The following USP34 variants were observed in gnomAD, a reference collection of about 807,000 sequenced individuals.
USP34 encodes ubiquitin specific peptidase 34.
In USP34, 70 loss-of-function variants were observed where a neutral mutation model predicts 460.3. The ratio of observed to expected loss-of-function variants is 0.15; its 90% CI spans 0.13 to 0.19. The LOEUF is 0.19. USP34 is among the 10% of genes least tolerant of loss of function. USP34 has a pLI of 1.00. For synonymous variants in USP34, 1,647 were observed against 1,405.3 expected (o/e 1.17, Z -3.85); for missense variants, 3,985 against 4,236.2 (o/e 0.94, Z 1.65).
At chr2:61,435,480 T>A (rs985159286) in intron 1 of USP34, among the ~76,000 whole-genome samples, 3 of 151,550 alleles carry the variant, frequency 2.0e-5, no homozygotes, top group Non-Finnish European at 4.4e-5. Flanking sequence ...AAACAGCTTA[T>A]CAAGATTATA....
intron 1 of USP34, among the ~76,000 whole-genome samples, chr2:61,449,184 G>A (rs1238166698): frequency 6.6e-6 from 1 of 151,060 alleles, no homozygotes; most frequent in African/African-American, 2.4e-5. Flanking sequence ...GGGACAAGAG[G>A]AGCGCTCGAA....
chr2:61,392,786 T>C (rs1427789218), intron 5 of USP34, among the ~76,000 whole-genome samples: 1 of 152,194 alleles, frequency 6.6e-6, no homozygotes, highest in Non-Finnish European at 1.5e-5. Flanking sequence ...ATATTCCTGA[T>C]TAAGTAAACC....
Position 61,295,225 on chromosome 2 carries a change from A to C in USP34, c.4320T>G (p.Ala1440=), listed in dbSNP as rs983752603. 10 of 1,612,174 alleles carry C rather than the reference A, an allele frequency of 6.2e-6. No individual in the cohort carries two copies. The highest frequency in any genetic ancestry group is 6.8e-6 in the Non-Finnish European group (8 of 1,179,278). Residue 1440 remains alanine, a synonymous_variant, in exon 31 of 80, where the codon GCT becomes GCG. Coordinates refer to ENST00000398571, the MANE Select transcript of USP34 (RefSeq NM_014709.4). ...KIKSAHKLLY[A]LEIIEALGKP... ...TTCCCAGTGCTTCAATAATTTCCAG[A>C]GCATACAATAGCTTGTGGGCGCTCT... is the stretch of plus-strand genomic sequence containing the variant.
intron 59 of USP34, 31 bp from the exon 60 acceptor site, chr2:61,229,026 T>C (rs1371926481): frequency 2.0e-6 from 3 of 1,489,322 alleles, no homozygotes; most frequent in Middle Eastern, 1.8e-4. Flanking sequence ...TCTTAGAGAA[T>C]GTATGAGGTC....
At chr2:61,220,280 G>C in intron 67 of USP34, 30 bp downstream of exon 67, 3 of 1,572,086 alleles carry the variant, frequency 1.9e-6, no homozygotes, top group Non-Finnish European at 2.6e-6. Flanking sequence ...ATAAATAAAT[G>C]GTTTATGAAA....
chr2:61,312,821 T>C (rs898151753), intron 25 of USP34, among the ~76,000 whole-genome samples: 2 of 152,204 alleles, frequency 1.3e-5, no homozygotes, highest in East Asian at 1.9e-4. Context: ...CTTGCTGTGA[T>C]TATCAGAAGT....
intron 41 of USP34, among the ~76,000 whole-genome samples, chr2:61,275,242 G>T (rs952622760): frequency 1.3e-5 from 2 of 152,102 alleles, no homozygotes; most frequent in African/African-American, 4.8e-5. Flanking sequence ...TCATGCCACT[G>T]AAGTCCAGCC....
intron 20 of USP34, among the ~76,000 whole-genome samples, chr2:61,329,808 A>T (rs996552514): frequency 1.4e-4 from 21 of 152,246 alleles, no homozygotes; most frequent in Admixed American, 6.5e-4. Flanking sequence ...AACACTTATA[A>T]GGTAAATAAT....
intron 1 of USP34, among the ~76,000 whole-genome samples, chr2:61,424,951 C>T (rs1558586671): frequency 6.6e-6 from 1 of 152,048 alleles, no homozygotes; most frequent in Non-Finnish European, 1.5e-5. Context: ...TGCTGAGTAG[C>T]TGGAATTACA....
chr2:61,217,602 C>G (rs1054076354), intron 67 of USP34, among the ~76,000 whole-genome samples: 1 of 152,154 alleles, frequency 6.6e-6, no homozygotes, highest in African/African-American at 2.4e-5. Flanking sequence ...TACTAAAAAT[C>G]ATGCTGTTGG....
chr2:61,324,430 A>T (rs1232555851), intron 21 of USP34, among the ~76,000 whole-genome samples: 1 of 152,186 alleles, frequency 6.6e-6, no homozygotes, highest in African/African-American at 2.4e-5. Flanking sequence ...TACATAAATA[A>T]TACCTATCTC....
chr2:61,300,377 C>T (rs950889488), intron 29 of USP34, among the ~76,000 whole-genome samples: 6 of 151,658 alleles, frequency 4.0e-5, no homozygotes, highest in Admixed American at 6.6e-5. Flanking sequence ...TTAGTAGAGA[C>T]GGGGTTTCAC....
At chr2:61,379,206 C>CCAAAA (rs746751210) in intron 7 of USP34, among the ~76,000 whole-genome samples, 34 of 152,096 alleles carry the variant, frequency 2.2e-4, no homozygotes, top group Non-Finnish European at 4.1e-4. Context: ...GACTACACTA[C>CCAAAA]CAAAACAAAA....
chr2:61,262,746 C>G (rs528593684), intron 43 of USP34, among the ~76,000 whole-genome samples: 1 of 152,266 alleles, frequency 6.6e-6, no homozygotes, highest in Admixed American at 6.5e-5. Flanking sequence ...AAAGTTCTTT[C>G]AGAAATTGCC....
At position 61,351,506 on chromosome 2, in the gene USP34, C is replaced by G. The variant is rs187489555; in HGVS notation, c.1252-813G>C. Among the ~76,000 whole-genome samples the G allele has an allele frequency of 6.4e-3, 973 of 152,082 alleles. 8 individuals are homozygous for G. Among genetic ancestry groups the G allele is most frequent in the Non-Finnish European group, 0.011 (755 of 67,948 alleles). On this transcript the variant is annotated intron_variant, in intron 10 of 79. Coordinates refer to ENST00000398571, the MANE Select transcript of USP34 (RefSeq NM_014709.4). Reference sequence around the variant, plus strand: ...GCCATGAAGCTGCTAACTACTAAATCAAGATAGGGTAATAAACAGAAGATT... The same window carrying G: ...GCCATGAAGCTGCTAACTACTAAATGAAGATAGGGTAATAAACAGAAGATT...
At chr2:61,443,463 A>G (rs1382927027) in intron 1 of USP34, among the ~76,000 whole-genome samples, 1 of 148,796 alleles carries the variant, frequency 6.7e-6, no homozygotes, top group East Asian at 2.0e-4. Context: ...TAAATTTTTT[A>G]AAAAGCTATC....
intron 20 of USP34, among the ~76,000 whole-genome samples, chr2:61,329,171 G>A (rs1018497670): frequency 1.4e-4 from 21 of 151,038 alleles, no homozygotes; most frequent in Admixed American, 8.6e-4. Flanking sequence ...ACAGGCATGC[G>A]CCACCACGCC....
intron 3 of USP34, among the ~76,000 whole-genome samples, chr2:61,404,238 G>C (rs1207129907): frequency 6.6e-6 from 1 of 151,790 alleles, no homozygotes; most frequent in Non-Finnish European, 1.5e-5. Flanking sequence ...AAAGGTTACA[G>C]AACAAATAAG....
chr2:61,380,719 G>A (rs1047101927), intron 6 of USP34, among the ~76,000 whole-genome samples: 1 of 152,204 alleles, frequency 6.6e-6, no homozygotes, highest in Non-Finnish European at 1.5e-5. Context: ...TTTGGCCAAT[G>A]AGATATTAAT....
Sources: gnomAD v4.1 joint callset for allele counts (sites outside exome capture counted in the v4.1 genomes callset) on GRCh38, gnomAD v4.1.1 for gene constraint, MANE v1.5 for transcripts, NCBI Gene and HGNC (gene_info 2026-07-23, HGNC 2026-07-21) for gene names.